Variants in SAP130 observed in about 807,000 individuals in gnomAD.
The protein encoded by SAP130 is histone deacetylase complex subunit SAP130.
In SAP130, 16 loss-of-function variants were observed where a neutral mutation model predicts 103.2. The observed-to-expected ratio is 0.16, with a 90% CI of 0.10 to 0.24. The LOEUF (loss-of-function observed/expected upper bound fraction) is 0.24. Ranked by LOEUF, SAP130 falls within the 10% of genes least tolerant of loss-of-function variation. The probability of loss-of-function intolerance (pLI) is 1.00; values close to 1 mark genes in which losing one functional copy is unlikely to be tolerated. For missense variants in SAP130, 990 were observed against 1,359.7 expected (o/e 0.73, Z 4.28); for synonymous variants, 477 against 497.0 (o/e 0.96, Z 0.53).
At position 127,949,857 on chromosome 2, in the gene SAP130, G is replaced by A. The variant is rs1679371866; in HGVS notation, c.2797+12C>T. On this transcript the variant is annotated intron_variant, in intron 18 of 20. Coordinates refer to ENST00000643581, the MANE Select transcript of SAP130 (RefSeq NM_001330301.2). ...TCATGCATTAATATCAAGTGTTTCT[G>A]GGGAAACTAACCTTTGACCCGGACG... 1 of 1,613,376 alleles carries A rather than the reference G, an allele frequency of 6.2e-7. No homozygotes were observed. The highest frequency in any genetic ancestry group is 8.5e-7 in the Non-Finnish European group (1 of 1,179,622).
Position 127,989,671 on chromosome 2 carries a change from G to A in SAP130, c.1673C>T (p.Ala558Val). The change falls in exon 13 of 21, where the codon GCA becomes GTA. Residue 558 changes from alanine (A) to valine (V), a missense_variant. By Grantham distance (64) the Ala-to-Val change is moderately conservative. Coordinates refer to ENST00000643581, the MANE Select transcript of SAP130 (RefSeq NM_001330301.2). This position sits in a 1 kb window ranked among gnomAD's most constrained non-coding sequence, Gnocchi z 4.6. ...GTGAATTCCCTGTGTGCCAAGTGGT[G>A]CAGGCTGTATCCCTGGGGTCCCAAT... The part of the protein sequence containing the change: ...APIGTPGIQP[A>V]PLGTQGIHSA... 15 of 1,614,192 alleles carry A rather than the reference G, an allele frequency of 9.3e-6. 1 individual carries two copies. The highest frequency in any genetic ancestry group is 9.3e-6 in the Non-Finnish European group (11 of 1,180,042).
chr2:128,020,775 G>T (rs887635864), intron 2 of SAP130, among the ~76,000 whole-genome samples: 2 of 151,976 alleles, frequency 1.3e-5, no homozygotes, highest in South Asian at 4.2e-4. Context: ...GAGGCAGGTG[G>T]ATCACCTGAG....
chr2:127,983,820 GTTGT>G (rs1209524189), intron 14 of SAP130, among the ~76,000 whole-genome samples: 425 of 112,368 alleles, frequency 3.8e-3, no homozygotes, highest in African/African-American at 0.015. Context: ...CTATTACTTT[GTTGT>G]TTTTTTTTTT....
In SAP130 at chr2:128,017,743, C is replaced by A. The variant is rs1260377511; in HGVS notation, c.285G>T (p.Val95=). ...HAVASATPVA[V]TAPPAHLTPA... ...GCGTCAGGTGTGCTGGCGGGGCTGT[C>A]ACTGCAACAGGTGTGGCTGATGCGA... is the stretch of plus-strand genomic sequence containing the variant. Residue 95 remains valine (V), a synonymous_variant, in exon 3 of 21, where the codon GTG becomes GTT. Transcript: ENST00000643581. 3 of 1,614,216 alleles carry A rather than the reference C, an allele frequency of 1.9e-6. No homozygotes were observed.
chr2:128,010,332 G>A lies in SAP130; in HGVS notation c.806C>T (p.Ala269Val). 6.2e-7 allele frequency: 1 copy of A among 1,614,078 alleles called. No homozygotes were observed. The highest frequency in any genetic ancestry group is 8.5e-7 in the Non-Finnish European group (1 of 1,179,990). The change falls in exon 7 of 21, where the codon GCC (alanine) becomes GTC (valine). Residue 269 changes from alanine (A) to valine (V), a missense_variant. Ala to Val is a moderately conservative substitution (Grantham distance 64, BLOSUM62 0). Around this residue, in one of 6 missense-constraint regions of SAP130, gnomAD observed 336 missense variants for 520.1 expected, o/e 0.65. Coordinates refer to ENST00000643581, the MANE Select transcript of SAP130 (RefSeq NM_001330301.2). ...GATGACTGGAGACTGAGCTCTGGTG[G>A]CTGAGACAGTTGCTACCACAGCAGG... is the stretch of plus-strand genomic sequence containing the variant. ...IPPAVVATVS[A>V]TRAQSPVITT...
Position 127,941,418 on chromosome 2 carries a change from C to A in SAP130, c.*588G>T, listed in dbSNP as rs1484211029. 1 of 152,364 alleles carries A rather than the reference C, an allele frequency of 6.6e-6. No homozygotes were observed. The highest frequency in any genetic ancestry group is 1.5e-5 in the Non-Finnish European group (1 of 68,118). 9.4% of individuals were successfully genotyped at this position (152,364 alleles called of 1,614,324 possible). On this transcript the variant is annotated 3_prime_UTR_variant, in exon 21 of 21. Transcript: ENST00000643581. ...GACACACGCAAGACAGACGATATAA[C>A]AATTTCACTTGGGAATGGTTTTTTT...
intron 14 of SAP130, among the ~76,000 whole-genome samples, chr2:127,985,718 A>G (rs1682330978): frequency 6.6e-6 from 1 of 152,038 alleles, no homozygotes; most frequent in Non-Finnish European, 1.5e-5. Context: ...AGGTGAGGAC[A>G]GGCATTTTTG....
chr2:128,016,070 C>T (rs556064161), intron 4 of SAP130, among the ~76,000 whole-genome samples: 4 of 152,096 alleles, frequency 2.6e-5, no homozygotes, highest in African/African-American at 7.2e-5. Context: ...GTTCTTGACG[C>T]TAAAACCAAA....
At chr2:128,020,115 C>T (rs1349138495) in intron 2 of SAP130, among the ~76,000 whole-genome samples, 2 of 152,142 alleles carry the variant, frequency 1.3e-5, no homozygotes, top group Non-Finnish European at 2.9e-5. Flanking sequence ...GTTTTGGTGA[C>T]AGTTCTCGCT....
intron 5 of SAP130, 40 bp from the exon 6 acceptor site, chr2:128,013,194 T>C (rs766871804): frequency 6.5e-7 from 1 of 1,537,642 alleles, no homozygotes; most frequent in Admixed American, 2.0e-5. Flanking sequence ...ATTCTAGTTA[T>C]ATTCCCTGGG....
chr2:127,977,910 A>AG, intron 15 of SAP130, 75 bp downstream of exon 15: 1 of 1,089,172 alleles, frequency 9.2e-7, no homozygotes, highest in Non-Finnish European at 1.4e-6. Context: ...TATGTCATGC[A>AG]GGAATATTAG....
At chr2:128,018,324 A>C (rs927121379) in intron 2 of SAP130, among the ~76,000 whole-genome samples, 8 of 149,828 alleles carry the variant, frequency 5.3e-5, no homozygotes, top group Admixed American at 1.3e-4. Flanking sequence ...AAAAAAAAAA[A>C]AAAAAAACAA....
At chr2:128,021,252 G>T (rs889053940) in intron 2 of SAP130, among the ~76,000 whole-genome samples, 3 of 151,780 alleles carry the variant, frequency 2.0e-5, no homozygotes, top group Admixed American at 1.3e-4. Context: ...TTTGAGACCA[G>T]CCTGGACAAT....
chr2:128,014,690 T>A, intron 5 of SAP130, 113 bp downstream of exon 5: 1 of 772,628 alleles, frequency 1.3e-6, no homozygotes, highest in Non-Finnish European at 2.2e-6. Context: ...CTGCAGACTG[T>A]TGTTCTGCAA....
Position 128,026,301 on chromosome 2 carries a change from G to A in SAP130, c.-6-3C>T, listed in dbSNP as rs1685492567. On this transcript the variant is annotated splice_polypyrimidine_tract_variant and splice_region_variant and intron_variant, in intron 1 of 20. Transcript: ENST00000643581. The stretch of plus-strand genomic sequence containing the variant: ...AACTGTTGAGAACTCATTTCCACCT[G>A]TAGTACATACAGTTATATGGTTATT... 6.3e-7 allele frequency: 1 copy of A among 1,592,816 alleles called. No homozygotes were observed. The highest frequency in any genetic ancestry group is 8.6e-7 in the Non-Finnish European group (1 of 1,160,650).
intron 15 of SAP130, among the ~76,000 whole-genome samples, chr2:127,963,190 A>G (rs1473027739): frequency 6.6e-6 from 1 of 152,106 alleles, no homozygotes; most frequent in Admixed American, 6.5e-5. Context: ...TTTTCTTGAC[A>G]AAAGTAGTTT....
chr2:127,993,741 C>T (rs539141753), intron 11 of SAP130, among the ~76,000 whole-genome samples: 1 of 152,196 alleles, frequency 6.6e-6, no homozygotes, highest in South Asian at 2.1e-4. Flanking sequence ...AAAATGGGAT[C>T]CAATTTATTT....
chr2:128,026,080 G>A, intron 2 of SAP130, 101 bp downstream of exon 2: 3 of 811,406 alleles, frequency 3.7e-6, no homozygotes, highest in Non-Finnish European at 6.1e-6. Context: ...CAAGAAACAA[G>A]AATTTACTAA....
At chr2:128,021,911 C>G (rs1559109102) in intron 2 of SAP130, among the ~76,000 whole-genome samples, 2 of 152,162 alleles carry the variant, frequency 1.3e-5, no homozygotes, top group Non-Finnish European at 2.9e-5. Context: ...TATATATCTT[C>G]TTTAGTGAAG....
Sources: gnomAD v4.1 joint callset for allele counts (sites outside exome capture counted in the v4.1 genomes callset) on GRCh38, gnomAD v4.1.1 for gene constraint, gnomAD v4.1.1 regional missense constraint, Gnocchi (gnomAD v3.1) non-coding constraint, MANE v1.5 for transcripts, NCBI Gene and HGNC (gene_info 2026-07-23, HGNC 2026-07-21) for gene names.